DYM: variants seen among roughly 807,000 people sequenced by gnomAD.
The protein encoded by DYM is dyggve-Melchior-Clausen syndrome protein.
DYM carries 78 observed loss-of-function variants against 93.1 expected under a neutral mutation model. That is an observed-to-expected ratio of 0.84 (90% CI 0.70 to 1.01). The LOEUF (loss-of-function observed/expected upper bound fraction) is 1.01, where lower values mean the gene tolerates loss of function less well. DYM is among the 50% of genes least tolerant of loss of function. The probability of loss-of-function intolerance (pLI) is 0.00; values close to 1 mark genes in which losing one functional copy is unlikely to be tolerated. For missense variants in DYM, 789 were observed against 845.0 expected, an observed-to-expected ratio of 0.93 and a Z score of 0.82; for synonymous variants, 321 against 319.7, an observed-to-expected ratio of 1.00 and a Z score of -0.04.
At chr18:49,242,153 T>TTTA (rs1416404934) in intron 13 of DYM, among the ~76,000 whole-genome samples, 5 of 152,270 alleles carry the variant, frequency 3.3e-5, no homozygotes, top group Admixed American at 6.5e-5. Context: ...GGCTCACGGG[T>TTTA]GTAATCCCAG....
chr18:49,294,916 G>A (rs1040525872), intron 8 of DYM, among the ~76,000 whole-genome samples: 1 of 152,084 alleles, frequency 6.6e-6, no homozygotes, highest in Non-Finnish European at 1.5e-5. Flanking sequence ...GAGAAGGCAG[G>A]TCAGATAGCA....
intron 6 of DYM, among the ~76,000 whole-genome samples, chr18:49,352,593 A>G (rs1321458482): frequency 6.6e-6 from 1 of 152,236 alleles, no homozygotes; most frequent in Non-Finnish European, 1.5e-5. Flanking sequence ...ATTGTTCTAC[A>G]TTATAATTTC....
intron 16 of DYM, among the ~76,000 whole-genome samples, chr18:49,097,795 G>A (rs774564406): frequency 4.6e-5 from 7 of 150,904 alleles, no homozygotes; most frequent in Admixed American, 4.6e-4. Flanking sequence ...TTTATATTTC[G>A]TTTATAGAGC....
At chr18:49,180,333 C>A (rs534545063) in intron 14 of DYM, among the ~76,000 whole-genome samples, 1 of 152,164 alleles carries the variant, frequency 6.6e-6, no homozygotes, top group Non-Finnish European at 1.5e-5. Context: ...TCCTCGTTCT[C>A]TGGTAGTGAT....
intron 13 of DYM, among the ~76,000 whole-genome samples, chr18:49,219,029 A>C (rs1198661827): frequency 6.6e-6 from 1 of 152,234 alleles, no homozygotes; most frequent in Non-Finnish European, 1.5e-5. Context: ...AAAGACGAAA[A>C]CAGAGAAGAA....
At chr18:49,069,293 C>T (rs1180117084) in intron 17 of DYM, among the ~76,000 whole-genome samples, 2 of 152,192 alleles carry the variant, frequency 1.3e-5, no homozygotes, top group Non-Finnish European at 2.9e-5. Flanking sequence ...AACTAACCTG[C>T]TAAAGAAAAT....
intron 8 of DYM, among the ~76,000 whole-genome samples, chr18:49,291,497 T>C (rs1405916873): frequency 1.3e-5 from 2 of 152,156 alleles, no homozygotes; most frequent in Non-Finnish European, 2.9e-5. Context: ...AGGGGGGAAA[T>C]AGTCCCCATC....
chr18:49,395,352 A>G (rs12607838), intron 2 of DYM, among the ~76,000 whole-genome samples: 14,411 of 152,178 alleles, frequency 0.095, 887 homozygotes, highest in East Asian at 0.31. Flanking sequence ...ACACAAGGCC[A>G]GGCGCAGTGG....
At chr18:49,431,570 G>C (rs78401024) in intron 1 of DYM, among the ~76,000 whole-genome samples, 27 of 151,920 alleles carry the variant, frequency 1.8e-4, no homozygotes, top group East Asian at 7.7e-4. Context: ...GATTTGTTCA[G>C]AAAAGTTCTC....
intron 17 of DYM, among the ~76,000 whole-genome samples, chr18:49,057,228 T>C (rs950879392): frequency 1.3e-5 from 2 of 152,176 alleles, no homozygotes; most frequent in African/African-American, 2.4e-5. Context: ...GAACTAGCAA[T>C]AACACCATGG....
At chr18:49,176,881 T>C (rs2089442010) in intron 14 of DYM, among the ~76,000 whole-genome samples, 1 of 152,160 alleles carries the variant, frequency 6.6e-6, no homozygotes, top group Non-Finnish European at 1.5e-5. Flanking sequence ...ACGATGAAAG[T>C]CTAATTTTTT....
chr18:49,228,394 A>G (rs1038403227), intron 13 of DYM, among the ~76,000 whole-genome samples: 5 of 152,186 alleles, frequency 3.3e-5, no homozygotes, highest in African/African-American at 1.2e-4. Flanking sequence ...TTACACAATA[A>G]TTCCCAAGGT....
chr18:49,046,376 G>GCA (rs140520791), intron 17 of DYM, among the ~76,000 whole-genome samples: 3 of 116,716 alleles, frequency 2.6e-5, no homozygotes, highest in Non-Finnish European at 5.5e-5. Context: ...ACACAGACAT[G>GCA]CACACACACA....
intron 17 of DYM, among the ~76,000 whole-genome samples, chr18:49,058,404 C>G (rs1463148819): frequency 1.3e-5 from 2 of 151,484 alleles, no homozygotes; most frequent in Non-Finnish European, 2.9e-5. Context: ...ATTGCAGCCT[C>G]AAACTTCTGG....
Position 49,379,691 on chromosome 18 carries a change from T to G in DYM, c.261A>C (p.Glu87Asp). ...LIKVFLSRTK[E>D]LKLSAECQNH... Reference sequence around the variant, plus strand: ...TCTGACATTCTGCTGAAAGTTTTAGTTCTTTGGTTCTAGAAAGGAAGACCT... The same window carrying G: ...TCTGACATTCTGCTGAAAGTTTTAGGTCTTTGGTTCTAGAAAGGAAGACCT... Residue 87 changes from glutamate (E) to aspartate (D), a missense_variant, in exon 4 of 18, where the codon GAA becomes GAC. By Grantham distance (45) the Glu-to-Asp change is conservative. This residue lies in a region of DYM where 450 missense variants were observed against 436.2 expected (regional missense o/e 1.03). Transcript: ENST00000675505. 1.2e-6 allele frequency: 2 copies of G among 1,613,238 alleles called. No individual in the cohort carries two copies. The highest frequency in any genetic ancestry group is 1.7e-6 in the Non-Finnish European group (2 of 1,179,362).
intron 12 of DYM, 144 bp downstream of exon 12, chr18:49,258,236 A>C: frequency 1.5e-6 from 1 of 668,482 alleles, no homozygotes; most frequent in Non-Finnish European, 2.7e-6. Context: ...CATTAGGATC[A>C]TGTAATACAG....
At chr18:49,441,318 AAT>A (rs1483519192) in intron 1 of DYM, among the ~76,000 whole-genome samples, 2 of 79,828 alleles carry the variant, frequency 2.5e-5, no homozygotes, top group South Asian at 3.3e-4. Context: ...ATTAATATAT[AAT>A]TATATATAAT....
chr18:49,058,981 A>C (rs1454594577), intron 17 of DYM, among the ~76,000 whole-genome samples: 1 of 152,258 alleles, frequency 6.6e-6, no homozygotes, highest in Admixed American at 6.5e-5. Flanking sequence ...AACTTGTACA[A>C]TGAAAAAGCA....
At chr18:49,434,671 T>C (rs2080663337) in intron 1 of DYM, among the ~76,000 whole-genome samples, 2 of 147,548 alleles carry the variant, frequency 1.4e-5, no homozygotes, top group South Asian at 4.2e-4. Context: ...TGATTAAAAA[T>C]AAAATATTTT....
Sources: allele counts gnomAD v4.1 joint callset (sites outside exome capture counted in the v4.1 genomes callset), GRCh38; gene constraint gnomAD v4.1.1; regional missense constraint gnomAD v4.1.1; transcripts MANE v1.5; gene names NCBI Gene and HGNC (gene_info 2026-07-23, HGNC 2026-07-21).